Variants in CEP128 observed in about 807,000 individuals in gnomAD.
The protein encoded by CEP128 is centrosomal protein 128kDa.
Under a neutral mutation model 156.7 loss-of-function variants are expected in CEP128, and 132 were observed. That is an observed-to-expected ratio of 0.84 (90% confidence interval 0.73 to 0.97). The LOEUF (loss-of-function observed/expected upper bound fraction) is 0.97. Among genes scored for constraint, CEP128 ranks in the 50% least tolerant of loss-of-function variants. CEP128 has a pLI of 0.00. For missense variants in CEP128, 1,252 were observed against 1,281.9 expected (o/e 0.98, Z 0.36); for synonymous variants, 469 against 448.9 (o/e 1.04, Z -0.57).
intron 20 of CEP128, among the ~76,000 whole-genome samples, chr14:80,578,145 T>C (rs1359026104): frequency 2.0e-5 from 3 of 152,324 alleles, no homozygotes; most frequent in African/African-American, 4.8e-5. Context: ...TTGAGGATTT[T>C]ATTATAAACA....
chr14:80,957,335 G>A (rs1374948090), intron 2 of CEP128, among the ~76,000 whole-genome samples: 1 of 151,928 alleles, frequency 6.6e-6, no homozygotes, highest in Non-Finnish European at 1.5e-5. Flanking sequence ...CTTAGACATT[G>A]TCTACTTTCT....
At chr14:80,532,474 CCTCA>C (rs1251987737) in intron 21 of CEP128, among the ~76,000 whole-genome samples, 2 of 152,158 alleles carry the variant, frequency 1.3e-5, no homozygotes, top group African/African-American at 4.8e-5. Context: ...CAATCCAGAG[CCTCA>C]CTGATGCAGT....
At chr14:80,666,712 A>G (rs1428099016) in intron 19 of CEP128, among the ~76,000 whole-genome samples, 1 of 141,490 alleles carries the variant, frequency 7.1e-6, no homozygotes, top group Non-Finnish European at 1.5e-5. Context: ...TTCAAGTAGG[A>G]AAAGAGAGAG....
chr14:80,720,034 C>G (rs1897755364), intron 19 of CEP128, among the ~76,000 whole-genome samples: 1 of 151,894 alleles, frequency 6.6e-6, no homozygotes, highest in Non-Finnish European at 1.5e-5. Context: ...GAGCAAGATC[C>G]CTCCGAGGAG....
chr14:80,554,696 C>T (rs555904140), intron 21 of CEP128, among the ~76,000 whole-genome samples: 1 of 151,828 alleles, frequency 6.6e-6, no homozygotes, highest in South Asian at 2.1e-4. Context: ...GTAGCTATAT[C>T]CTTTTTTTCA....
intron 19 of CEP128, among the ~76,000 whole-genome samples, chr14:80,582,451 C>G (rs1056620152): frequency 6.6e-6 from 1 of 152,018 alleles, no homozygotes. Context: ...CTGGATGGGA[C>G]GAGATATAGG....
intron 19 of CEP128, among the ~76,000 whole-genome samples, chr14:80,639,403 A>C (rs1894319491): frequency 6.6e-6 from 1 of 152,200 alleles, no homozygotes; most frequent in Non-Finnish European, 1.5e-5. Flanking sequence ...GGGTATTTAC[A>C]TATGATCCAA....
intron 19 of CEP128, among the ~76,000 whole-genome samples, chr14:80,715,911 G>A (rs1897586164): frequency 1.3e-5 from 2 of 152,196 alleles, no homozygotes; most frequent in Admixed American, 1.3e-4. Context: ...AAAAGAAATT[G>A]TGAAATGAGT....
intron 13 of CEP128, among the ~76,000 whole-genome samples, chr14:80,809,823 C>A (rs1884400858): frequency 6.6e-6 from 1 of 151,938 alleles, no homozygotes; most frequent in Non-Finnish European, 1.5e-5. Flanking sequence ...AACCACTACA[C>A]CACTATTGCA....
At chr14:80,531,549 A>G (rs567250293) in intron 21 of CEP128, among the ~76,000 whole-genome samples, 1 of 152,316 alleles carries the variant, frequency 6.6e-6, no homozygotes, top group South Asian at 2.1e-4. Context: ...ATAAAATAAA[A>G]AGTTAAATGG....
At chr14:80,822,512 C>A in intron 13 of CEP128, 2 of 632,030 alleles carry the variant, frequency 3.2e-6, no homozygotes, top group South Asian at 1.4e-5. Context: ...CCACCTACAT[C>A]CTGCCGCCAC....
chr14:80,801,204 CTCTT>C (rs768584365), intron 13 of CEP128, among the ~76,000 whole-genome samples: 1 of 152,214 alleles, frequency 6.6e-6, no homozygotes, highest in Non-Finnish European at 1.5e-5. Context: ...TTGACTTCCT[CTCTT>C]TCTATTTGAA....
intron 8 of CEP128, among the ~76,000 whole-genome samples, chr14:80,884,742 G>C (rs1337291611): frequency 6.6e-6 from 1 of 152,194 alleles, no homozygotes; most frequent in African/African-American, 2.4e-5. Flanking sequence ...TGTTTGGGCA[G>C]ACACCGAGCT....
At chr14:80,637,018 G>A (rs1311201780) in intron 19 of CEP128, among the ~76,000 whole-genome samples, 4 of 151,888 alleles carry the variant, frequency 2.6e-5, no homozygotes, top group South Asian at 4.2e-4. Flanking sequence ...CCCAGGAGGC[G>A]GAGGTTGTGG....
chr14:80,745,718 T>C (rs944188127), intron 18 of CEP128, among the ~76,000 whole-genome samples: 2 of 152,052 alleles, frequency 1.3e-5, no homozygotes, highest in Non-Finnish European at 2.9e-5. Context: ...ACAGCTCTCA[T>C]CACTCCTAAC....
chr14:80,943,212 A>ATGCATTATTTT (rs1485843038), upstream of CEP128, among the ~76,000 whole-genome samples: 2 of 152,258 alleles, frequency 1.3e-5, no homozygotes, highest in African/African-American at 4.8e-5. Flanking sequence ...ATTGTTTTAG[A>ATGCATTATTTT]CACTGAAGTT....
Position 80,831,152 on chromosome 14 carries a change from T to G in CEP128, c.1200A>C (p.Ser400=). 1.2e-6 allele frequency: 2 copies of G among 1,614,008 alleles called. No homozygotes were observed. The highest frequency in any genetic ancestry group is 1.7e-6 in the Non-Finnish European group (2 of 1,179,898). The change falls in exon 13 of 25, where the codon TCA becomes TCC. Residue 400 remains serine (S), a synonymous_variant. Transcript: ENST00000555265. ...AAAAGAGCAAAGTCACCTCTACTTG[T>G]GATGCCAAATGTGCTTTCTCCTTGT... is the stretch of plus-strand genomic sequence containing the variant. ...RKDKEKAHLA[S]QVENLTRELE... is the part of the protein sequence containing the mutation.
Position 80,720,566 on chromosome 14 carries a change from C to T in CEP128, c.2806+22509G>A, listed in dbSNP as rs576012492. Among the ~76,000 whole-genome samples the T allele has an allele frequency of 9.9e-5, 15 of 152,280 alleles. No individual in the cohort carries two copies. The South Asian group carries it at 1.9e-3, about 19-fold the overall frequency. On this transcript the variant is annotated intron_variant, in intron 19 of 24. Transcript: ENST00000555265. The stretch of plus-strand genomic sequence containing the variant: ...AATAAAGCAGGAATAAAAATATCCA[C>T]ATCAAATGGAAGATTGTCCGAGAAA...
chr14:80,708,035 G>GC (rs1435586374), intron 19 of CEP128, among the ~76,000 whole-genome samples: 5 of 152,070 alleles, frequency 3.3e-5, no homozygotes, highest in Non-Finnish European at 7.4e-5. Flanking sequence ...AGATTAATGT[G>GC]CCATTTGATG....
Sources: allele counts gnomAD v4.1 joint callset (sites outside exome capture counted in the v4.1 genomes callset), GRCh38; gene constraint gnomAD v4.1.1; transcripts MANE v1.5; gene names NCBI Gene and HGNC (gene_info 2026-07-23, HGNC 2026-07-21).